The following GKN2 variants were observed in gnomAD, a reference collection of about 807,000 sequenced individuals.
GKN2 encodes gastrokine 2, also known as gastrokine-2.
In GKN2, 17 loss-of-function variants were observed where a neutral mutation model predicts 22.7. The ratio of observed to expected loss-of-function variants is 0.75; its 90% CI spans 0.51 to 1.13. The LOEUF is 1.13. GKN2 is among the 50% of genes most tolerant of loss of function. The pLI, the probability that GKN2 is intolerant of heterozygous loss-of-function variation, is 0.00. For synonymous variants in GKN2, 82 were observed against 79.6 expected, an observed-to-expected ratio of 1.03 and a Z score of -0.16; for missense variants, 248 against 221.4, an observed-to-expected ratio of 1.12 and a Z score of -0.76.
chr2:68,946,347 G>A lies in GKN2; in HGVS notation c.429C>T (p.Cys143=), dbSNP rs780553655. 3 of 1,613,900 alleles carry A rather than the reference G, an allele frequency of 1.9e-6. No homozygotes were observed. The East Asian group carries it at 6.7e-5, about 36-fold the overall frequency. The change falls in exon 5 of 6, where the codon TGC becomes TGT. Residue 143 remains cysteine (C), a synonymous_variant. Transcript: ENST00000328895. ...CCCCCTTATACAAAGGGATATGTTT[G>A]CAGAGTTTCTCAATGGGTGACCCAA... ...FLLGSPIEKL[C]KHIPLYKGEV... is the part of the protein sequence containing the mutation.
At position 68,950,199 on chromosome 2, in the gene GKN2, T is replaced by C. The variant is rs1208007308; in HGVS notation, c.131A>G (p.Asn44Ser). ...GNVQETVTID[N>S]EKNTAIINIH... is the part of the protein sequence containing the mutation. ...GTTAATGATGGCGGTATTTTTTTCA[T>C]TATCAATTGTCACTGTCTCCTGAAC... Residue 44 changes from asparagine to serine, a missense_variant, in exon 3 of 6, where the codon AAT (asparagine) becomes AGT (serine). Coordinates refer to ENST00000328895, the MANE Select transcript of GKN2 (RefSeq NM_182536.3). 2.5e-6 allele frequency: 4 copies of C among 1,613,980 alleles called. No individual in the cohort carries two copies. In the East Asian group the frequency reaches 6.7e-5, roughly 27 times the overall value.
intron 4 of GKN2, 85 bp from the exon 5 acceptor site, chr2:68,946,545 C>T: frequency 8.6e-7 from 1 of 1,164,480 alleles, no homozygotes; most frequent in Non-Finnish European, 1.2e-6. Context: ...CAATTTTTCT[C>T]TTTCAGATTA....
At chr2:68,952,606 A>G (rs540838503) in intron 1 of GKN2, among the ~76,000 whole-genome samples, 22 of 152,354 alleles carry the variant, frequency 1.4e-4, no homozygotes, top group Middle Eastern at 6.8e-3. Flanking sequence ...AATCAAAATT[A>G]TCTAGAGATT....
intron 3 of GKN2, among the ~76,000 whole-genome samples, chr2:68,947,870 G>A (rs1036015993): frequency 2.0e-5 from 3 of 152,142 alleles, no homozygotes; most frequent in Admixed American, 2.0e-4. Context: ...GATTAGAGGT[G>A]TAAGCTACTG....
At chr2:68,950,788 T>A (rs374234713) in intron 1 of GKN2, 33 bp from the exon 2 acceptor site, 19 of 1,610,190 alleles carry the variant, frequency 1.2e-5, no homozygotes, top group Admixed American at 1.7e-5. Context: ...CCATTCTTTA[T>A]AGGGTAGTCA....
intron 5 of GKN2, 189 bp downstream of exon 5, chr2:68,946,115 C>A (rs1028556475): frequency 1.0e-5 from 5 of 485,958 alleles, no homozygotes; most frequent in Non-Finnish European, 1.8e-5. Context: ...TCCCTGGAGA[C>A]GTTTAATTCA....
At position 68,950,175 on chromosome 2, in the gene GKN2, T is replaced by C. The variant is rs373947066; in HGVS notation, c.155A>G (p.Asn52Ser). The change falls in exon 3 of 6, where the codon AAC becomes AGC. Residue 52 changes from asparagine to serine, a missense_variant. Coordinates refer to ENST00000328895, the MANE Select transcript of GKN2 (RefSeq NM_182536.3). The part of the protein sequence containing the change: ...IDNEKNTAII[N>S]IHAGSCSSTT... ...AGAAGAGCATGATCCTGCATGGATG[T>C]TAATGATGGCGGTATTTTTTTCATT... The C allele has an allele frequency of 6.2e-7, 1 of 1,614,030 alleles. No individual in the cohort carries two copies. Among genetic ancestry groups the C allele is most frequent in the Non-Finnish European group, 8.5e-7 (1 of 1,179,898 alleles).
At chr2:68,950,824 T>C (rs1372295783) in intron 1 of GKN2, 69 bp from the exon 2 acceptor site, 10 of 1,509,966 alleles carry the variant, frequency 6.6e-6, no homozygotes, top group Non-Finnish European at 9.2e-6. Context: ...GAGGAAACAC[T>C]GGACAGGAAA....
chr2:68,951,136 T>C (rs1384354637), intron 1 of GKN2, among the ~76,000 whole-genome samples: 1 of 152,120 alleles, frequency 6.6e-6, no homozygotes, highest in Non-Finnish European at 1.5e-5. Context: ...GTGGTCAAAT[T>C]GTGTCCTCTA....
At position 68,950,162 on chromosome 2, in the gene GKN2, T is replaced by A; in HGVS notation, c.168A>T (p.Gly56=). ...CAAAAATTGTGGTAGAAGAGCATGATCCTGCATGGATGTTAATGATGGCGG... is the reference window on the plus strand; with the variant it reads ...CAAAAATTGTGGTAGAAGAGCATGAACCTGCATGGATGTTAATGATGGCGG... The part of the protein sequence containing the change: ...KNTAIINIHA[G]SCSSTTIFDY... The change falls in exon 3 of 6, where the codon GGA becomes GGT. Residue 56 remains glycine (G), a synonymous_variant. Coordinates refer to ENST00000328895, the MANE Select transcript of GKN2 (RefSeq NM_182536.3). The A allele has an allele frequency of 1.2e-6, 2 of 1,613,974 alleles. No homozygotes were observed. Among genetic ancestry groups the A allele is most frequent in the Non-Finnish European group, 1.7e-6 (2 of 1,179,910 alleles).
chr2:68,950,844 A>G, intron 1 of GKN2, 89 bp from the exon 2 acceptor site: 2 of 1,314,942 alleles, frequency 1.5e-6, no homozygotes, highest in Non-Finnish European at 2.2e-6. Context: ...AGGCACAGAT[A>G]TCTCAGAAAA....
At chr2:68,950,067 A>T in intron 3 of GKN2, 59 bp downstream of exon 3, 1 of 1,450,620 alleles carries the variant, frequency 6.9e-7, no homozygotes, top group Non-Finnish European at 9.5e-7. Context: ...ATATATATAG[A>T]TCCCTCTGCT....
chr2:68,951,100 A>G (rs1669847774), intron 1 of GKN2, among the ~76,000 whole-genome samples: 1 of 152,212 alleles, frequency 6.6e-6, no homozygotes, highest in South Asian at 2.1e-4. Context: ...ATACTCTGGT[A>G]TGATTCACAC....
chr2:68,948,685 T>A (rs1399587489), intron 3 of GKN2, among the ~76,000 whole-genome samples: 2 of 152,204 alleles, frequency 1.3e-5, no homozygotes, highest in African/African-American at 4.8e-5. Context: ...CTAAGGCCAC[T>A]GAGTCTTCAC....
At chr2:68,950,613 G>A in intron 2 of GKN2, 89 bp downstream of exon 2, 1 of 1,123,596 alleles carries the variant, frequency 8.9e-7, no homozygotes, top group East Asian at 2.3e-5. Flanking sequence ...TAAGGCATAT[G>A]GCCTCTCTAC....
At chr2:68,950,944 A>G (rs1669845699) in intron 1 of GKN2, among the ~76,000 whole-genome samples, 189 bp from the exon 2 acceptor site, 1 of 152,192 alleles carries the variant, frequency 6.6e-6, no homozygotes, top group South Asian at 2.1e-4. Context: ...CTCATTTAAC[A>G]GGCATTTGTT....
chr2:68,950,529 A>G (rs1347148598), intron 2 of GKN2, among the ~76,000 whole-genome samples, 173 bp downstream of exon 2: 1 of 152,242 alleles, frequency 6.6e-6, no homozygotes, highest in Non-Finnish European at 1.5e-5. Context: ...ACATTTGCAA[A>G]GGTATTGTGG....
chr2:68,947,454 T>C (rs535214458), intron 3 of GKN2, among the ~76,000 whole-genome samples, 197 bp from the exon 4 acceptor site: 1 of 152,358 alleles, frequency 6.6e-6, no homozygotes, highest in East Asian at 1.9e-4. Context: ...TTGTCATTTC[T>C]ACCCCTTTGA....
chr2:68,952,812 C>T (rs1296237153), intron 1 of GKN2, 38 bp downstream of exon 1: 2 of 1,611,024 alleles, frequency 1.2e-6, no homozygotes, highest in Non-Finnish European at 1.7e-6. Flanking sequence ...TGCAAGCAGT[C>T]ACCACAAGAG....
Sources: gnomAD v4.1 joint callset for allele counts (sites outside exome capture counted in the v4.1 genomes callset) on GRCh38, gnomAD v4.1.1 for gene constraint, MANE v1.5 for transcripts, NCBI Gene and HGNC (gene_info 2026-07-23, HGNC 2026-07-21) for gene names.